RIN2: variants seen among roughly 807,000 people sequenced by gnomAD.
RIN2 encodes the protein Ras and Rab interactor 2, also known as RAB5 interacting protein 2.
In RIN2, 36 loss-of-function variants were observed where a neutral mutation model predicts 78.0. The ratio of observed to expected loss-of-function variants is 0.46; its 90% confidence interval spans 0.35 to 0.61. The LOEUF (loss-of-function observed/expected upper bound fraction) is 0.61, where lower values mean the gene tolerates loss of function less well. Ranked by LOEUF, RIN2 falls within the 20% of genes least tolerant of loss-of-function variation. RIN2 has a pLI of 0.00. For missense variants in RIN2, 1,087 were observed against 1,159.7 expected, an observed-to-expected ratio of 0.94 and a Z score of 0.91; for synonymous variants, 466 against 466.8, an observed-to-expected ratio of 1.00 and a Z score of 0.02.
intron 2 of RIN2, among the ~76,000 whole-genome samples, chr20:19,811,433 G>A (rs951911979): frequency 2.6e-5 from 4 of 152,100 alleles, no homozygotes; most frequent in East Asian, 1.9e-4. Flanking sequence ...CCACCCATGC[G>A]TGATTCAAGT....
intron 2 of RIN2, among the ~76,000 whole-genome samples, chr20:19,855,312 T>C (rs1366330371): frequency 1.3e-5 from 2 of 152,236 alleles, no homozygotes. Flanking sequence ...TTTGCATCAA[T>C]GTTCATCAGG....
Position 19,996,888 on chromosome 20 carries a change from C to T in RIN2, c.2364+46C>T, listed in dbSNP as rs377026356. 15 of 1,515,050 alleles carry T rather than the reference C, an allele frequency of 9.9e-6. 1 individual carries two copies. Among genetic ancestry groups the T allele is most frequent in the South Asian group, 6.4e-5 (5 of 78,598 alleles). The allele number at this position is 1,515,050 out of a possible 1,614,324, so 93.9% of individuals were successfully genotyped here. On this transcript the variant is annotated intron_variant, in intron 12 of 12. Coordinates refer to ENST00000255006, the MANE Select transcript of RIN2 (RefSeq NM_018993.4). Reference sequence around the variant, plus strand: ...TTGCTTCCTTCGTCCTCCAGGAATGCGGAGCTGGCTCACCCAGCACATCCC... The same window carrying T: ...TTGCTTCCTTCGTCCTCCAGGAATGTGGAGCTGGCTCACCCAGCACATCCC...
At chr20:19,858,546 C>T (rs541930520) in intron 2 of RIN2, among the ~76,000 whole-genome samples, 35 of 152,124 alleles carry the variant, frequency 2.3e-4, no homozygotes, top group Non-Finnish European at 4.9e-4. Flanking sequence ...GATCTATTGC[C>T]TAGAAACATG....
intron 1 of RIN2, among the ~76,000 whole-genome samples, chr20:19,791,189 C>G (rs1037524610): frequency 2.0e-5 from 3 of 152,124 alleles, no homozygotes; most frequent in Non-Finnish European, 1.5e-5. Context: ...TGTCCCATTT[C>G]TTTAATTGGA....
chr20:19,779,316 A>T (rs1237385102), intron 1 of RIN2, among the ~76,000 whole-genome samples: 1 of 152,148 alleles, frequency 6.6e-6, no homozygotes, highest in Non-Finnish European at 1.5e-5. Context: ...AAATCCTCCT[A>T]ATTATTAATA....
intron 3 of RIN2, among the ~76,000 whole-genome samples, chr20:19,925,057 T>G (rs1443224274): frequency 4.7e-5 from 7 of 147,892 alleles, no homozygotes; most frequent in Non-Finnish European, 5.9e-5. Flanking sequence ...CTCTTTGTGC[T>G]CCTCCTCTCA....
At position 19,888,312 on chromosome 20, in the gene RIN2, G is replaced by A. The variant is rs544197652; in HGVS notation, c.-36-1254G>A. ...GTGAGTGCAAGCAGGGGTGTAAATC[G>A]TGGGGCCGAAAAAAACCTTTGTGCA... On this transcript the variant is annotated intron_variant, in intron 2 of 12. Transcript: ENST00000255006. 4.6e-5 allele frequency among the ~76,000 whole-genome samples: 7 copies of A among 152,114 alleles called. No homozygotes were observed. The South Asian group carries it at 8.3e-4, about 18-fold the overall frequency.
intron 3 of RIN2, among the ~76,000 whole-genome samples, chr20:19,925,097 GAAA>G (rs11476905): frequency 8.2e-5 from 11 of 133,480 alleles, no homozygotes; most frequent in African/African-American, 1.7e-4. Context: ...TAAATTTGTG[GAAA>G]AAAAAAAAAA....
At position 19,964,854 on chromosome 20, in the gene RIN2, G is replaced by C. The variant is rs555622749; in HGVS notation, c.464-98G>C. On this transcript the variant is annotated intron_variant, in intron 6 of 12. Coordinates refer to ENST00000255006, the MANE Select transcript of RIN2 (RefSeq NM_018993.4). ...ATAAGCCACACGGTAGTTTGTTTGAGAGTACTCAGATGGTCCCACACACAT... is the reference window on the plus strand; with the variant it reads ...ATAAGCCACACGGTAGTTTGTTTGACAGTACTCAGATGGTCCCACACACAT... The C allele has an allele frequency of 7.0e-6, 7 of 1,004,168 alleles. No homozygotes were observed. The Admixed American group carries it at 1.2e-4, about 17-fold the overall frequency. The allele number at this position is 1,004,168 out of a possible 1,614,324, so 62.2% of individuals were successfully genotyped here.
intron 3 of RIN2, among the ~76,000 whole-genome samples, chr20:19,924,351 T>TTCATACCCTCAC (rs1411759434): frequency 1.4e-4 from 1 of 6,972 alleles, no homozygotes; most frequent in Non-Finnish European, 2.4e-4. Context: ...ATACCCCACC[T>TTCATACCCTCAC]CTTCATACCC....
chr20:19,976,838 G>GTCTC (rs57267974), intron 9 of RIN2, among the ~76,000 whole-genome samples: 3 of 151,070 alleles, frequency 2.0e-5, no homozygotes, highest in African/African-American at 7.3e-5. Flanking sequence ...CTCTTTCTCT[G>GTCTC]TCTCTCTCTC....
intron 2 of RIN2, among the ~76,000 whole-genome samples, chr20:19,876,137 A>G (rs1600676673): frequency 6.6e-6 from 1 of 152,320 alleles, no homozygotes; most frequent in East Asian, 1.9e-4. Flanking sequence ...TTTTTTCTAG[A>G]CAGATATTTC....
intron 2 of RIN2, among the ~76,000 whole-genome samples, chr20:19,877,295 T>A (rs1233581955): frequency 6.6e-6 from 1 of 152,150 alleles, no homozygotes; most frequent in African/African-American, 2.4e-5. Flanking sequence ...GTTCATAACA[T>A]TACCCCAGCC....
At chr20:19,943,947 G>A (rs936542645) in intron 4 of RIN2, among the ~76,000 whole-genome samples, 2 of 141,560 alleles carry the variant, frequency 1.4e-5, no homozygotes, top group African/African-American at 2.6e-5. Context: ...GAATATTACA[G>A]AGACATGTTT....
chr20:19,797,515 A>C (rs935709370), intron 1 of RIN2, among the ~76,000 whole-genome samples: 1 of 152,138 alleles, frequency 6.6e-6, no homozygotes. Flanking sequence ...GGCTCCCTTT[A>C]CTCTGTGTGA....
At chr20:19,981,609 T>A (rs747102561) in intron 9 of RIN2, among the ~76,000 whole-genome samples, 2 of 152,224 alleles carry the variant, frequency 1.3e-5, no homozygotes, top group African/African-American at 2.4e-5. Context: ...GCTGATGGAT[T>A]CCCTACATCA....
chr20:19,761,294 G>T (rs373526543), intron 1 of RIN2, among the ~76,000 whole-genome samples: 1 of 152,244 alleles, frequency 6.6e-6, no homozygotes, highest in South Asian at 2.1e-4. Flanking sequence ...TCCATGCAGT[G>T]TATGTACAGA....
chr20:20,000,153 G>T (rs968330703), intron 12 of RIN2, among the ~76,000 whole-genome samples: 1 of 152,204 alleles, frequency 6.6e-6, no homozygotes, highest in Non-Finnish European at 1.5e-5. Flanking sequence ...AATATAGTGA[G>T]ATCTCATCTC....
intron 3 of RIN2, among the ~76,000 whole-genome samples, chr20:19,921,135 C>T (rs1161770365): frequency 5.9e-5 from 9 of 152,166 alleles, no homozygotes; most frequent in African/African-American, 2.2e-4. Flanking sequence ...GAGTGCCTGG[C>T]AAGGTGGAGC....
Sources: gnomAD v4.1 joint callset for allele counts (sites outside exome capture counted in the v4.1 genomes callset) on GRCh38, gnomAD v4.1.1 for gene constraint, MANE v1.5 for transcripts, NCBI Gene and HGNC (gene_info 2026-07-23, HGNC 2026-07-21) for gene names.